Variants in SELENOO observed in about 807,000 individuals in gnomAD.
SELENOO encodes selenoprotein O.
In SELENOO, 74 loss-of-function variants were observed where a neutral mutation model predicts 58.7. That is an observed-to-expected ratio of 1.26 (90% confidence interval 1.04 to 1.53). SELENOO has a LOEUF of 1.53. Among genes scored for constraint, SELENOO ranks in the 40% most tolerant of loss-of-function variants. The pLI is 0.00. For synonymous variants in SELENOO, 543 were observed against 453.2 expected (o/e 1.20, Z -2.52); for missense variants, 1,149 against 970.0 (o/e 1.18, Z -2.45).
intron 1 of SELENOO, among the ~76,000 whole-genome samples, chr22:50,202,922 G>A (rs4395345): frequency 0.8 from 121,728 of 152,260 alleles, 49,492 homozygotes; most frequent in African/African-American, 0.95. Context: ...TGAAAAACAT[G>A]AAGAAAATAA....
rs368811239 is a variant in SELENOO at position 50,215,774 on chromosome 22, C to T, written c.1409C>T (p.Ser470Leu). The T allele has an allele frequency of 1.4e-5, 23 of 1,611,988 alleles. No individual in the cohort carries two copies. Among genetic ancestry groups the T allele is most frequent in the Admixed American group, 6.7e-5 (4 of 59,980 alleles). The change falls in exon 6 of 9, where the codon TCG becomes TTG. Residue 470 changes from serine to leucine, a missense_variant. Transcript: ENST00000380903. ...LLSSFPVELE[S>L]PGLAEFLARL... Reference sequence around the variant, plus strand: ...AGCTCCTTCCCAGTGGAGCTAGAGTCGCCAGGCCTGGCGGAATTCCTGGCC... The same window carrying T: ...AGCTCCTTCCCAGTGGAGCTAGAGTTGCCAGGCCTGGCGGAATTCCTGGCC...
chr22:50,210,706 C>A lies in SELENOO; in HGVS notation c.1146C>A (p.Cys382Ter). 6.2e-7 allele frequency: 1 copy of A among 1,613,412 alleles called. No individual in the cohort carries two copies. The highest frequency in any genetic ancestry group is 8.5e-7 in the Non-Finnish European group (1 of 1,180,004). ...RYAYSKQPEV[C>*]RWNLRKLAEA... ...CGTACAGCAAGCAGCCCGAGGTGTG[C>A]AGGTGGAACCTGCGGAAGCTGGCCG... The change falls in exon 5 of 9, where the codon TGC becomes TGA. Residue 382 changes from cysteine (C) to a stop codon, truncating the protein, a stop_gained. Coordinates refer to ENST00000380903, the MANE Select transcript of SELENOO (RefSeq NM_031454.2). LOFTEE classifies it high-confidence loss of function.
intron 5 of SELENOO, among the ~76,000 whole-genome samples, chr22:50,214,258 C>T (rs2147166015): frequency 6.6e-6 from 1 of 152,342 alleles, no homozygotes; most frequent in African/African-American, 2.4e-5. Context: ...CCTCCTGCCT[C>T]AGCCTACCAA....
At chr22:50,211,003 C>T (rs1284568809) in intron 5 of SELENOO, 92 bp downstream of exon 5, 9 of 1,404,692 alleles carry the variant, frequency 6.4e-6, no homozygotes, top group Middle Eastern at 2.2e-4. Context: ...TCCAAGTGCA[C>T]AGTCACTCCC....
Position 50,217,418 on chromosome 22 carries a change from G to A in SELENOO, c.*49G>A. 1.3e-6 allele frequency: 2 copies of A among 1,593,840 alleles called. No individual in the cohort carries two copies. The highest frequency in any genetic ancestry group is 4.5e-5 in the East Asian group (2 of 44,376). ...CTGGAGTCTCCCGAGGCCCCCATGT[G>A]CTGCTGAGTGGCCAAGATGATGCCA... On this transcript the variant is annotated 3_prime_UTR_variant, in exon 9 of 9. Coordinates refer to ENST00000380903, the MANE Select transcript of SELENOO (RefSeq NM_031454.2).
chr22:50,215,365 G>C (rs1236481604), intron 5 of SELENOO, among the ~76,000 whole-genome samples: 1 of 152,014 alleles, frequency 6.6e-6, no homozygotes, highest in Non-Finnish European at 1.5e-5. Context: ...CTGAGGAGTG[G>C]GGTGTGGAGG....
Position 50,217,428 on chromosome 22 carries a change from G to T in SELENOO, c.*59G>T. On this transcript the variant is annotated 3_prime_UTR_variant, in exon 9 of 9. Transcript: ENST00000380903. ...CCGAGGCCCCCATGTGCTGCTGAGT[G>T]GCCAAGATGATGCCAGGCTGCCCTA... 1 of 1,582,534 alleles carries T rather than the reference G, an allele frequency of 6.3e-7. No individual in the cohort carries two copies. Among genetic ancestry groups the T allele is most frequent in the South Asian group, 1.1e-5 (1 of 87,914 alleles).
chr22:50,215,874 A>T lies in SELENOO; in HGVS notation c.1502+7A>T. On this transcript the variant is annotated splice_region_variant and intron_variant, in intron 6 of 8. Transcript: ENST00000380903. ...GGCCCCAGATGGATCCCCGGTGGGTACTCAGTTCCTACTTCTTTGGATTTG... is the reference window on the plus strand; with the variant it reads ...GGCCCCAGATGGATCCCCGGTGGGTTCTCAGTTCCTACTTCTTTGGATTTG... 1 of 1,592,930 alleles carries T rather than the reference A, an allele frequency of 6.3e-7. No homozygotes were observed. The highest frequency in any genetic ancestry group is 2.2e-5 in the East Asian group (1 of 44,472).
Position 50,215,824 on chromosome 22 carries a change from C to A in SELENOO, c.1459C>A (p.Leu487Met), listed in dbSNP as rs201312273. The A allele has an allele frequency of 6.2e-7, 1 of 1,612,122 alleles. No individual in the cohort carries two copies. The change falls in exon 6 of 9, where the codon CTG becomes ATG. Residue 487 changes from leucine to methionine, a missense_variant. Physicochemically the swap from Leu to Met is conservative, Grantham distance 15 (BLOSUM62 2). Coordinates refer to ENST00000380903, the MANE Select transcript of SELENOO (RefSeq NM_031454.2). Reference sequence around the variant, plus strand: ...CAGGCTGATGGAGCAGTGTGCCTCCCTGGAGGAGCTGAGGCTGGCCTTCCG... The same window carrying A: ...CAGGCTGATGGAGCAGTGTGCCTCCATGGAGGAGCTGAGGCTGGCCTTCCG... ...LARLMEQCAS[L>M]EELRLAFRPQ...
chr22:50,214,962 A>T (rs1423527522), intron 5 of SELENOO, among the ~76,000 whole-genome samples: 1 of 152,220 alleles, frequency 6.6e-6, no homozygotes, highest in Admixed American at 6.5e-5. Context: ...CGATCAGTCC[A>T]TTCGCTTTCA....
chr22:50,212,991 G>A (rs922452169), intron 5 of SELENOO, among the ~76,000 whole-genome samples: 3 of 152,206 alleles, frequency 2.0e-5, no homozygotes, highest in African/African-American at 7.2e-5. Context: ...ATCTTCTTCA[G>A]TGTAGCCATT....
At chr22:50,213,099 C>T (rs560334957) in intron 5 of SELENOO, among the ~76,000 whole-genome samples, 4 of 152,254 alleles carry the variant, frequency 2.6e-5, no homozygotes, top group East Asian at 3.9e-4. Flanking sequence ...CTTACTCTGT[C>T]GCCCAAGCTG....
In SELENOO at chr22:50,217,485, C is replaced by G; in HGVS notation, c.*116C>G. On this transcript the variant is annotated 3_prime_UTR_variant, in exon 9 of 9. Coordinates refer to ENST00000380903, the MANE Select transcript of SELENOO (RefSeq NM_031454.2). The stretch of plus-strand genomic sequence containing the variant: ...GGGGGATTCTGCCCTGGCCCATGCA[C>G]ACCCGTCTTTCCATGATGGCAGAGA... 1 of 1,288,438 alleles carries G rather than the reference C, an allele frequency of 7.8e-7. No individual in the cohort carries two copies. Among genetic ancestry groups the G allele is most frequent in the Non-Finnish European group, 1.1e-6 (1 of 933,708 alleles). The allele number at this position is 1,288,438 out of a possible 1,614,324, so 79.8% of individuals were successfully genotyped here. A position where few individuals can be genotyped will look rare whatever the true frequency, so the allele number is the denominator to read the frequency against.
intron 5 of SELENOO, among the ~76,000 whole-genome samples, chr22:50,211,990 A>T (rs113871714): frequency 6.6e-6 from 1 of 152,226 alleles, no homozygotes; most frequent in African/African-American, 2.4e-5. Context: ...GGCGTGAGCC[A>T]CCGCACCCAG....
intron 1 of SELENOO, among the ~76,000 whole-genome samples, chr22:50,204,313 A>G (rs539797225): frequency 6.6e-6 from 1 of 152,076 alleles, no homozygotes; most frequent in Non-Finnish European, 1.5e-5. Context: ...CCTGGGCGAC[A>G]GGGCAAGACT....
intron 3 of SELENOO, chr22:50,209,163 T>G (rs1445687715): frequency 1.3e-5 from 2 of 157,486 alleles, no homozygotes; most frequent in African/African-American, 4.8e-5. Flanking sequence ...GATGGCATCG[T>G]CCTTGTCACA....
chr22:50,204,031 T>A (rs554262842), intron 1 of SELENOO, among the ~76,000 whole-genome samples: 1 of 152,206 alleles, frequency 6.6e-6, no homozygotes, highest in African/African-American at 2.4e-5. Flanking sequence ...AGTATTTGAA[T>A]AGACATTTCT....
At chr22:50,215,347 G>C (rs2064398112) in intron 5 of SELENOO, among the ~76,000 whole-genome samples, 1 of 152,042 alleles carries the variant, frequency 6.6e-6, no homozygotes, top group Non-Finnish European at 1.5e-5. Flanking sequence ...GCGGTGGATG[G>C]GTGGAGGCTG....
chr22:50,214,702 T>C (rs1372198006), intron 5 of SELENOO, among the ~76,000 whole-genome samples: 1 of 152,132 alleles, frequency 6.6e-6, no homozygotes, highest in Non-Finnish European at 1.5e-5. Context: ...GAGGCGGAGG[T>C]TGCAGTGAGC....
Sources: allele counts gnomAD v4.1 joint callset (sites outside exome capture counted in the v4.1 genomes callset), GRCh38; gene constraint gnomAD v4.1.1; transcripts MANE v1.5; gene names NCBI Gene and HGNC (gene_info 2026-07-23, HGNC 2026-07-21).